Variants in ITPK1 observed in about 807,000 individuals in gnomAD.
ITPK1 encodes the protein inositol 1,3,4-trisphosphate 5/6-kinase.
A neutral mutation model predicts 45.3 loss-of-function variants in ITPK1; 21 were observed. That is an observed-to-expected ratio of 0.46 (90% CI 0.33 to 0.67). The LOEUF (loss-of-function observed/expected upper bound fraction) is 0.67, where lower values mean the gene tolerates loss of function less well. Among genes scored for constraint, ITPK1 ranks in the 30% least tolerant of loss-of-function variants. The probability of loss-of-function intolerance (pLI) is 0.02; values close to 1 mark genes in which losing one functional copy is unlikely to be tolerated. For synonymous variants in ITPK1, 258 were observed against 253.6 expected, an observed-to-expected ratio of 1.02 and a Z score of -0.16; for missense variants, 474 against 573.5, an observed-to-expected ratio of 0.83 and a Z score of 1.77.
At chr14:93,104,046 T>G (rs995494581) in intron 2 of ITPK1, among the ~76,000 whole-genome samples, 1 of 152,010 alleles carries the variant, frequency 6.6e-6, no homozygotes, top group South Asian at 2.1e-4. Context: ...AATCCTATCA[T>G]TTGGCCCTAG....
At chr14:92,987,596 G>T (rs1050631204) in intron 5 of ITPK1, among the ~76,000 whole-genome samples, 3 of 152,186 alleles carry the variant, frequency 2.0e-5, no homozygotes, top group Non-Finnish European at 4.4e-5. Flanking sequence ...ATAGATGTTT[G>T]TTGTAAGGGA....
chr14:92,960,776 C>T (rs1048657536), intron 7 of ITPK1, among the ~76,000 whole-genome samples: 13 of 152,226 alleles, frequency 8.5e-5, no homozygotes, highest in African/African-American at 2.7e-4. Flanking sequence ...CTGAGGGGGG[C>T]CTGGGGACCA....
At chr14:92,988,201 C>A (rs1886591106) in intron 5 of ITPK1, among the ~76,000 whole-genome samples, 1 of 152,226 alleles carries the variant, frequency 6.6e-6, no homozygotes, top group African/African-American at 2.4e-5. Context: ...ATTCCAGACC[C>A]TTCGATGGGG....
At chr14:92,995,794 A>G (rs1247382833) in intron 4 of ITPK1, among the ~76,000 whole-genome samples, 1 of 152,214 alleles carries the variant, frequency 6.6e-6, no homozygotes, top group Non-Finnish European at 1.5e-5. Context: ...TGCCGCCCAC[A>G]TGGAGCCTGG....
At chr14:93,010,285 T>G (rs61993818) in intron 4 of ITPK1, among the ~76,000 whole-genome samples, 5 of 152,234 alleles carry the variant, frequency 3.3e-5, no homozygotes, top group Admixed American at 6.5e-5. Flanking sequence ...CAAAAACCTT[T>G]GTTTCTTCTA....
chr14:92,978,662 G>C (rs1455243465), intron 5 of ITPK1, among the ~76,000 whole-genome samples: 1 of 152,016 alleles, frequency 6.6e-6, no homozygotes, highest in Non-Finnish European at 1.5e-5. Context: ...AAGGGGCCAA[G>C]GTACAGCTTC....
At chr14:93,096,495 G>A (rs1162889269) in intron 2 of ITPK1, among the ~76,000 whole-genome samples, 6 of 152,232 alleles carry the variant, frequency 3.9e-5, no homozygotes, top group South Asian at 2.1e-4. Context: ...TGGCACGGAG[G>A]GAGGCCAATA....
intron 6 of ITPK1, 131 bp from the exon 7 acceptor site, chr14:92,962,526 G>T: frequency 1.3e-6 from 1 of 770,102 alleles, no homozygotes; most frequent in Non-Finnish European, 2.3e-6. Context: ...TGCACTGAGG[G>T]TGACGTGTGG....
intron 5 of ITPK1, among the ~76,000 whole-genome samples, chr14:92,972,722 C>T (rs1275163203): frequency 2.0e-5 from 3 of 152,206 alleles, no homozygotes; most frequent in African/African-American, 7.2e-5. Context: ...TCCCAAGTAG[C>T]TGGGATTACA....
chr14:93,075,345 AAAAAAAAAAAAAAAAAG>A (rs1891176392), intron 3 of ITPK1, among the ~76,000 whole-genome samples: 2 of 145,506 alleles, frequency 1.4e-5, no homozygotes, highest in Admixed American at 1.4e-4. Context: ...AAAAAAAAAA[AAAAAAAAAAAAAAAAAG>A]GAAGAGAAAA....
At chr14:93,025,730 C>A (rs1888702422) in intron 3 of ITPK1, among the ~76,000 whole-genome samples, 1 of 152,212 alleles carries the variant, frequency 6.6e-6, no homozygotes, top group African/African-American at 2.4e-5. Context: ...ATTACAATTG[C>A]TTCATGATAA....
rs113294915 is a variant in ITPK1 at position 93,012,180 on chromosome 14, G to A, written c.246+4496C>T. 1.3e-4 allele frequency among the ~76,000 whole-genome samples: 20 copies of A among 152,342 alleles called. No homozygotes were observed. The highest frequency in any genetic ancestry group is 3.3e-4 in the Admixed American group (5 of 15,312). ...ACCCAAACACTTAGGCACTGCAGGC[G>A]GCAATGGGAACACCAGCTGCTGGGA... On this transcript the variant is annotated intron_variant, in intron 4 of 10. Coordinates refer to ENST00000267615, the MANE Select transcript of ITPK1 (RefSeq NM_014216.6). This position sits in a 1 kb window ranked among gnomAD's most constrained non-coding sequence, Gnocchi z 4.9.
At chr14:93,061,476 G>C (rs945565789) in intron 3 of ITPK1, among the ~76,000 whole-genome samples, 3 of 152,166 alleles carry the variant, frequency 2.0e-5, no homozygotes, top group Non-Finnish European at 4.4e-5. Context: ...CAGCCTCATG[G>C]GCAGAGAGAG....
At chr14:92,989,967 G>A (rs1886698591) in intron 5 of ITPK1, among the ~76,000 whole-genome samples, 3 of 152,204 alleles carry the variant, frequency 2.0e-5, no homozygotes, top group Admixed American at 1.3e-4. Context: ...CAAACCCCCA[G>A]CCAGAGGAGA....
At chr14:93,104,936 G>A (rs951821884) in intron 2 of ITPK1, among the ~76,000 whole-genome samples, 2 of 152,188 alleles carry the variant, frequency 1.3e-5, no homozygotes, top group Non-Finnish European at 2.9e-5. Context: ...AACTGCTGAG[G>A]AAAACGCCAC....
intron 5 of ITPK1, among the ~76,000 whole-genome samples, chr14:92,991,028 G>T (rs1219451860): frequency 6.6e-6 from 1 of 150,588 alleles, no homozygotes; most frequent in East Asian, 1.9e-4. Flanking sequence ...TGACAACCGG[G>T]GCAGGGGGGG....
At chr14:93,112,373 T>C (rs1284306068) in intron 2 of ITPK1, among the ~76,000 whole-genome samples, 1 of 151,350 alleles carries the variant, frequency 6.6e-6, no homozygotes, top group Non-Finnish European at 1.5e-5. Flanking sequence ...GACATTCAGC[T>C]AAACAACCCA....
intron 3 of ITPK1, among the ~76,000 whole-genome samples, chr14:93,057,807 G>C (rs988490181): frequency 6.6e-6 from 1 of 152,188 alleles, no homozygotes; most frequent in Non-Finnish European, 1.5e-5. Context: ...TCACCCACCA[G>C]GCACCCTCCT....
At chr14:93,082,922 C>T (rs905963536) in intron 2 of ITPK1, among the ~76,000 whole-genome samples, 4 of 152,200 alleles carry the variant, frequency 2.6e-5, no homozygotes, top group Non-Finnish European at 4.4e-5. Context: ...CAGTGGGGCT[C>T]GTCCTCTCTA....
Sources: allele counts gnomAD v4.1 joint callset (sites outside exome capture counted in the v4.1 genomes callset), GRCh38; gene constraint gnomAD v4.1.1; non-coding constraint Gnocchi (gnomAD v3.1); transcripts MANE v1.5; gene names NCBI Gene and HGNC (gene_info 2026-07-23, HGNC 2026-07-21).